The following LSAMP variants were observed in gnomAD, a reference collection of about 807,000 sequenced individuals.
LSAMP encodes the protein limbic system-associated membrane protein.
Under a neutral mutation model 38.6 loss-of-function variants are expected in LSAMP, and 7 were observed. That is an observed-to-expected ratio of 0.18 (90% CI 0.10 to 0.34). LSAMP has a LOEUF of 0.34. Among genes scored for constraint, LSAMP ranks in the 10% least tolerant of loss-of-function variants. LSAMP has a pLI of 1.00. For missense variants in LSAMP, 313 were observed against 420.0 expected, an observed-to-expected ratio of 0.75 and a Z score of 2.23; for synonymous variants, 154 against 166.8, an observed-to-expected ratio of 0.92 and a Z score of 0.59.
chr3:115,821,603 T>C (rs777371585), intron 6 of LSAMP, among the ~76,000 whole-genome samples: 3 of 152,226 alleles, frequency 2.0e-5, no homozygotes, highest in Admixed American at 6.5e-5. Context: ...AACCCTCTGA[T>C]GTGCTGCAGG....
intron 1 of LSAMP, among the ~76,000 whole-genome samples, chr3:116,180,612 G>A (rs140503386): frequency 5.7e-4 from 87 of 152,204 alleles, no homozygotes; most frequent in Middle Eastern, 3.4e-3. Flanking sequence ...AGAGGAATAA[G>A]AGAAAATGTG....
intron 2 of LSAMP, among the ~76,000 whole-genome samples, chr3:116,026,021 G>T (rs1181392322): frequency 6.6e-6 from 1 of 152,112 alleles, no homozygotes; most frequent in African/African-American, 2.4e-5. Flanking sequence ...CTGGGCTCAA[G>T]CGATTCTTCT....
intron 1 of LSAMP, among the ~76,000 whole-genome samples, chr3:116,231,054 T>C (rs562371147): frequency 1.3e-5 from 2 of 152,280 alleles, no homozygotes; most frequent in South Asian, 2.1e-4. Context: ...AAAGAAGCTA[T>C]ACTTTCTCTG....
chr3:116,260,391 T>G (rs1308928797), intron 1 of LSAMP, among the ~76,000 whole-genome samples: 1 of 151,862 alleles, frequency 6.6e-6, no homozygotes, highest in Non-Finnish European at 1.5e-5. Flanking sequence ...TTTTTAAAAT[T>G]TTCGAATAAT....
At chr3:115,828,738 A>C (rs1419827964) in intron 6 of LSAMP, among the ~76,000 whole-genome samples, 1 of 152,234 alleles carries the variant, frequency 6.6e-6, no homozygotes, top group Non-Finnish European at 1.5e-5. Flanking sequence ...TGTAACTGTT[A>C]CTTTGAAAAT....
chr3:115,969,603 C>T lies in LSAMP; in HGVS notation c.514+49912G>A, dbSNP rs541158881. Among the ~76,000 whole-genome samples, 9 of 152,342 alleles carry T rather than the reference C, an allele frequency of 5.9e-5. No homozygotes were observed. The South Asian group carries it at 1.9e-3, about 32-fold the overall frequency. ...ACCACAATTACAGCTGCTTCCACCA[C>T]TGCTACTACCTTCACCACCATCTTG... On this transcript the variant is annotated intron_variant, in intron 3 of 6. Transcript: ENST00000490035.
chr3:116,326,647 A>G (rs1203069872), intron 1 of LSAMP, among the ~76,000 whole-genome samples: 1 of 152,204 alleles, frequency 6.6e-6, no homozygotes, highest in Admixed American at 6.5e-5. Flanking sequence ...GACTTTCCAC[A>G]GTTGATACCA....
In LSAMP at chr3:115,854,282, A is replaced by ATT. The variant is rs35263381; in HGVS notation, c.515-1667_515-1666dup. 3.4e-3 allele frequency among the ~76,000 whole-genome samples: 360 copies of ATT among 106,982 alleles called. 1 individual carries two copies. Among genetic ancestry groups the ATT allele is most frequent in the Non-Finnish European group, 4.1e-3 (231 of 55,672 alleles). The allele number at this position is 106,982 out of a possible 152,430, so 70.2% of individuals were successfully genotyped here. A position where few individuals can be genotyped will look rare whatever the true frequency, so the allele number is the denominator to read the frequency against. ...TATTATTATTATTATTATTATTATT[A>ATT]TTTTTTTTTTTTTTTTTTGAGATGG... On this transcript the variant is annotated intron_variant, in intron 3 of 6. Transcript: ENST00000490035.
intron 1 of LSAMP, among the ~76,000 whole-genome samples, chr3:116,171,558 C>G (rs1204337507): frequency 6.6e-6 from 1 of 152,020 alleles, no homozygotes; most frequent in Non-Finnish European, 1.5e-5. Context: ...TAATCTGAAC[C>G]ATGAACATAT....
chr3:116,201,476 A>G (rs1947689), intron 1 of LSAMP, among the ~76,000 whole-genome samples: 9,698 of 152,218 alleles, frequency 0.064, 438 homozygotes, highest in East Asian at 0.09. Flanking sequence ...CCTCCTGTGC[A>G]TGGCTGGCAG....
intron 1 of LSAMP, among the ~76,000 whole-genome samples, chr3:116,222,462 G>A (rs1050599349): frequency 6.6e-6 from 1 of 152,002 alleles, no homozygotes; most frequent in African/African-American, 2.4e-5. Flanking sequence ...TAAATGTGAG[G>A]TAGGAAAAAG....
At chr3:116,358,577 C>T (rs553134538) in intron 1 of LSAMP, among the ~76,000 whole-genome samples, 1 of 152,230 alleles carries the variant, frequency 6.6e-6, no homozygotes, top group Admixed American at 6.5e-5. Flanking sequence ...CAATGAAAAT[C>T]TGTTAAATAT....
At chr3:116,232,700 T>TTTCTTTC (rs11406567) in intron 1 of LSAMP, among the ~76,000 whole-genome samples, 2 of 4,996 alleles carry the variant, frequency 4.0e-4, no homozygotes, top group Non-Finnish European at 4.0e-4. Flanking sequence ...TCTTTCTTTC[T>TTTCTTTC]TTTTTTTTTT....
chr3:116,166,838 T>A (rs1185543125), intron 1 of LSAMP, among the ~76,000 whole-genome samples: 2 of 146,552 alleles, frequency 1.4e-5, no homozygotes, highest in Non-Finnish European at 3.0e-5. Flanking sequence ...TCACCCAGGC[T>A]GGAGTGCAGT....
At chr3:116,013,492 A>G (rs1940389384) in intron 3 of LSAMP, among the ~76,000 whole-genome samples, 1 of 152,220 alleles carries the variant, frequency 6.6e-6, no homozygotes, top group African/African-American at 2.4e-5. Context: ...ACACACAAAC[A>G]GCTGTCTATA....
chr3:115,918,521 A>T (rs1466528706), intron 3 of LSAMP, among the ~76,000 whole-genome samples: 4 of 152,152 alleles, frequency 2.6e-5, no homozygotes, highest in Non-Finnish European at 4.4e-5. Flanking sequence ...TACCTACATC[A>T]GTCTCTCACT....
Position 116,154,704 on chromosome 3 carries a change from C to A in LSAMP, c.156-68148G>T, listed in dbSNP as rs548454204. Among the ~76,000 whole-genome samples, 6 of 152,222 alleles carry A rather than the reference C, an allele frequency of 3.9e-5. No individual in the cohort carries two copies. The East Asian group carries it at 1.2e-3, about 29-fold the overall frequency. ...AAGGCCTTCACACATATCCTTCCCC[C>A]ATCCCTACTCATTTTGCTTAGTCAT... is the stretch of plus-strand genomic sequence containing the variant. On this transcript the variant is annotated intron_variant, in intron 1 of 6. Transcript: ENST00000490035.
rs771144365 is a variant in LSAMP, at chr3:116,019,561, A to G, written c.468T>C (p.Asn156=). The G allele has an allele frequency of 6.2e-7, 1 of 1,613,068 alleles. No homozygotes were observed. The highest frequency in any genetic ancestry group is 1.7e-5 in the Admixed American group (1 of 60,008). Reference sequence around the variant, plus strand: ...AGGTGATAACAGGTTCAGGACGGCCATTGGCCATGCAGACCAGAGTCACGT... The same window carrying G: ...AGGTGATAACAGGTTCAGGACGGCCGTTGGCCATGCAGACCAGAGTCACGT... ...GSNVTLVCMA[N]GRPEPVITWR... Residue 156 remains asparagine, a synonymous_variant, in exon 3 of 7, where the codon AAT becomes AAC. Transcript: ENST00000490035.
intron 1 of LSAMP, among the ~76,000 whole-genome samples, chr3:116,350,158 G>A (rs1027934543): frequency 1.3e-5 from 2 of 151,988 alleles, no homozygotes; most frequent in Non-Finnish European, 2.9e-5. Flanking sequence ...ATGAGCCCAC[G>A]AATCAGAAGA....
Sources: gnomAD v4.1 joint callset for allele counts (sites outside exome capture counted in the v4.1 genomes callset) on GRCh38, gnomAD v4.1.1 for gene constraint, MANE v1.5 for transcripts, NCBI Gene and HGNC (gene_info 2026-07-23, HGNC 2026-07-21) for gene names.